Variants in VAV3 observed in about 807,000 individuals in gnomAD.
The protein encoded by VAV3 is vav guanine nucleotide exchange factor 3, also known as guanine nucleotide exchange factor VAV3.
A neutral mutation model predicts 131.2 loss-of-function variants in VAV3; 94 were observed. The observed-to-expected ratio is 0.72, with a 90% CI of 0.61 to 0.85. The LOEUF (loss-of-function observed/expected upper bound fraction) is 0.85, where lower values mean the gene tolerates loss of function less well. VAV3 is among the 40% of genes least tolerant of loss of function. The probability of loss-of-function intolerance (pLI) is 0.00; values close to 1 mark genes in which losing one functional copy is unlikely to be tolerated. For missense variants in VAV3, 939 were observed against 1,002.7 expected (o/e 0.94, Z 0.86); for synonymous variants, 349 against 342.0 (o/e 1.02, Z -0.22).
At chr1:107,894,881 C>T (rs1671491390) in intron 1 of VAV3, among the ~76,000 whole-genome samples, 1 of 152,220 alleles carries the variant, frequency 6.6e-6, no homozygotes, top group South Asian at 2.1e-4. Flanking sequence ...TACCACACAG[C>T]TAGAATTTCT....
At chr1:107,738,199 C>A (rs1336326604) in intron 15 of VAV3, among the ~76,000 whole-genome samples, 1 of 151,918 alleles carries the variant, frequency 6.6e-6, no homozygotes, top group African/African-American at 2.4e-5. Flanking sequence ...ACACTGGGGC[C>A]CATCTGGGGT....
At chr1:107,948,352 AT>A (rs1487252465) in intron 1 of VAV3, among the ~76,000 whole-genome samples, 2 of 152,158 alleles carry the variant, frequency 1.3e-5, no homozygotes, top group African/African-American at 4.8e-5. Flanking sequence ...AATAAACATG[AT>A]TTAAACTTCT....
intron 15 of VAV3, among the ~76,000 whole-genome samples, chr1:107,719,870 T>C (rs1490689601): frequency 6.6e-6 from 1 of 152,180 alleles, no homozygotes; most frequent in African/African-American, 2.4e-5. Context: ...CATGGAATAC[T>C]ATGCAGCCAT....
At chr1:107,660,974 T>G (rs1399669554) in intron 19 of VAV3, among the ~76,000 whole-genome samples, 1 of 151,998 alleles carries the variant, frequency 6.6e-6, no homozygotes, top group Admixed American at 6.6e-5. Flanking sequence ...CAAGCAGCAG[T>G]GTATACAAGA....
At chr1:107,621,966 G>A (rs1390455414) in intron 20 of VAV3, among the ~76,000 whole-genome samples, 2 of 152,130 alleles carry the variant, frequency 1.3e-5, no homozygotes, top group Non-Finnish European at 2.9e-5. Flanking sequence ...GAAAGCACAT[G>A]AGAAAATATC....
chr1:107,662,394 G>A (rs1657085297), intron 19 of VAV3, among the ~76,000 whole-genome samples: 1 of 152,058 alleles, frequency 6.6e-6, no homozygotes, highest in Non-Finnish European at 1.5e-5. Flanking sequence ...TTTCCTGAAA[G>A]GATTTCTATA....
chr1:107,946,984 C>G (rs1195030109), intron 1 of VAV3, among the ~76,000 whole-genome samples: 1 of 152,210 alleles, frequency 6.6e-6, no homozygotes, highest in Non-Finnish European at 1.5e-5. Context: ...ACAGCACAGA[C>G]AGTGGTGTCC....
intron 22 of VAV3, among the ~76,000 whole-genome samples, chr1:107,607,217 GCAGGGATTA>G (rs1652351449): frequency 6.6e-6 from 1 of 152,068 alleles, no homozygotes; most frequent in South Asian, 2.1e-4. Flanking sequence ...CTCCCAAAGT[GCAGGGATTA>G]CAGGCACGAG....
At chr1:107,709,117 C>G (rs539830300) in intron 15 of VAV3, among the ~76,000 whole-genome samples, 3 of 152,156 alleles carry the variant, frequency 2.0e-5, no homozygotes, top group Non-Finnish European at 4.4e-5. Flanking sequence ...TATGTAACAT[C>G]TGATGCCGAG....
intron 1 of VAV3, among the ~76,000 whole-genome samples, chr1:107,896,150 A>G (rs1164023652): frequency 6.6e-6 from 1 of 152,242 alleles, no homozygotes; most frequent in Admixed American, 6.5e-5. Flanking sequence ...AGAGCACTGC[A>G]GAACCATGGA....
intron 9 of VAV3, among the ~76,000 whole-genome samples, chr1:107,762,473 T>C (rs1429932769): frequency 6.6e-6 from 1 of 152,208 alleles, no homozygotes; most frequent in Non-Finnish European, 1.5e-5. Context: ...GATAACTATT[T>C]CAACCAGTTT....
At chr1:107,856,063 T>C (rs575402684) in intron 2 of VAV3, among the ~76,000 whole-genome samples, 7 of 152,134 alleles carry the variant, frequency 4.6e-5, no homozygotes, top group Non-Finnish European at 1.0e-4. Context: ...GACCACCCCA[T>C]GCACACTCAT....
intron 1 of VAV3, among the ~76,000 whole-genome samples, chr1:107,940,451 A>G (rs930587909): frequency 1.3e-5 from 2 of 152,214 alleles, no homozygotes; most frequent in African/African-American, 4.8e-5. Context: ...ACAACAGCAG[A>G]AACTCCAGGA....
At chr1:107,901,816 G>A (rs1165670314) in intron 1 of VAV3, among the ~76,000 whole-genome samples, 2 of 152,144 alleles carry the variant, frequency 1.3e-5, no homozygotes, top group Non-Finnish European at 2.9e-5. Flanking sequence ...GCCAAGGCGG[G>A]TGGATCACCT....
chr1:107,767,048 C>A (rs1664771729), intron 7 of VAV3, among the ~76,000 whole-genome samples: 1 of 152,082 alleles, frequency 6.6e-6, no homozygotes, highest in Non-Finnish European at 1.5e-5. Context: ...GTTTTATTGA[C>A]AGGATAAAAT....
chr1:107,723,882 T>A lies in VAV3; in HGVS notation c.1503-18821A>T, dbSNP rs114672775. Among the ~76,000 whole-genome samples the A allele has an allele frequency of 4.3e-3, 653 of 152,340 alleles. 3 individuals carry two copies. Among genetic ancestry groups the A allele is most frequent in the Non-Finnish European group, 7.4e-3 (506 of 68,038 alleles). On this transcript the variant is annotated intron_variant, in intron 15 of 26. Coordinates refer to ENST00000370056, the MANE Select transcript of VAV3 (RefSeq NM_006113.5). ...AAGACTTAATACACATAAAGTGTCCTGTACTATATCTGACATTGGATAAAT... is the reference window on the plus strand; with the variant it reads ...AAGACTTAATACACATAAAGTGTCCAGTACTATATCTGACATTGGATAAAT...
chr1:107,930,411 A>T (rs1489413283), intron 1 of VAV3, among the ~76,000 whole-genome samples: 1 of 152,188 alleles, frequency 6.6e-6, no homozygotes, highest in Non-Finnish European at 1.5e-5. Flanking sequence ...TCAGAATGAG[A>T]CTTAAAACAA....
At chr1:107,804,697 G>A (rs1177496373) in intron 2 of VAV3, among the ~76,000 whole-genome samples, 1 of 152,058 alleles carries the variant, frequency 6.6e-6, no homozygotes, top group African/African-American at 2.4e-5. Context: ...CAGTATTAAA[G>A]TATTCTGGGG....
chr1:107,904,210 T>C (rs1671998444), intron 1 of VAV3, among the ~76,000 whole-genome samples: 1 of 152,134 alleles, frequency 6.6e-6, no homozygotes. Flanking sequence ...CTTCCTTCCT[T>C]CCTCAATTGA....
Sources: allele counts gnomAD v4.1 joint callset (sites outside exome capture counted in the v4.1 genomes callset), GRCh38; gene constraint gnomAD v4.1.1; transcripts MANE v1.5; gene names NCBI Gene and HGNC (gene_info 2026-07-23, HGNC 2026-07-21).